CCDC7: variants seen among roughly 807,000 people sequenced by gnomAD.
CCDC7 encodes coiled-coil domain-containing protein 7.
Under a neutral mutation model 196.9 loss-of-function variants are expected in CCDC7, and 183 were observed. The observed-to-expected ratio is 0.93, with a 90% CI of 0.82 to 1.05. The LOEUF (loss-of-function observed/expected upper bound fraction) is 1.05, where lower values mean the gene tolerates loss of function less well. CCDC7 is among the 50% of genes least tolerant of loss of function. The pLI is 0.00. For synonymous variants in CCDC7, 525 were observed against 484.6 expected, an observed-to-expected ratio of 1.08 and a Z score of -1.10; for missense variants, 1,540 against 1,482.2, an observed-to-expected ratio of 1.04 and a Z score of -0.64.
chr10:32,596,777 A>G (rs2060413118), intron 18 of CCDC7, among the ~76,000 whole-genome samples: 1 of 152,034 alleles, frequency 6.6e-6, no homozygotes, highest in Non-Finnish European at 1.5e-5. Flanking sequence ...TTTCTCCATC[A>G]CTTATGAAGC....
At chr10:32,659,652 A>G (rs2070800859) in intron 20 of CCDC7, among the ~76,000 whole-genome samples, 2 of 152,246 alleles carry the variant, frequency 1.3e-5, no homozygotes, top group Admixed American at 1.3e-4. Context: ...AAACAACCCC[A>G]TTAAAAAGTG....
upstream of CCDC7, among the ~76,000 whole-genome samples, chr10:32,447,695 A>C (rs1266285519): frequency 6.6e-6 from 1 of 152,156 alleles, no homozygotes; most frequent in East Asian, 1.9e-4. Flanking sequence ...TGAGGTCAGA[A>C]GTTCGAGACC....
At chr10:32,676,773 G>T (rs9732856) in intron 21 of CCDC7, among the ~76,000 whole-genome samples, 1 of 152,060 alleles carries the variant, frequency 6.6e-6, no homozygotes, top group Admixed American at 6.5e-5. Context: ...CTGTTGGTGG[G>T]ACTGTAAACT....
chr10:32,652,474 G>A (rs2068953866), intron 20 of CCDC7, among the ~76,000 whole-genome samples: 1 of 151,850 alleles, frequency 6.6e-6, no homozygotes, highest in African/African-American at 2.4e-5. Flanking sequence ...CTGTTGTTTT[G>A]TAAATCTTCT....
chr10:32,778,892 C>A, intron 28 of CCDC7, 85 bp from the exon 30 acceptor site: 1 of 928,744 alleles, frequency 1.1e-6, no homozygotes, highest in Non-Finnish European at 1.7e-6. Flanking sequence ...AGATCTTTCA[C>A]CTTCTTGGTT....
intron 18 of CCDC7, among the ~76,000 whole-genome samples, chr10:32,617,610 G>A (rs1261395298): frequency 6.6e-6 from 1 of 151,510 alleles, no homozygotes; most frequent in East Asian, 1.9e-4. Flanking sequence ...AGTTTCTCTT[G>A]GTATTGATTT....
chr10:32,796,632 G>T (rs1418307118), intron 29 of CCDC7, among the ~76,000 whole-genome samples: 3 of 152,102 alleles, frequency 2.0e-5, no homozygotes, highest in Admixed American at 1.3e-4. Context: ...TGCCCAAAAT[G>T]CTTCTTTCAG....
At chr10:32,626,996 C>G (rs1742739291) in intron 18 of CCDC7, among the ~76,000 whole-genome samples, 1 of 148,832 alleles carries the variant, frequency 6.7e-6, no homozygotes, top group Non-Finnish European at 1.5e-5. Context: ...ATGCCTACAG[C>G]ATTGTTCTTT....
chr10:32,877,950 AT>A (rs879619986), downstream of CCDC7, among the ~76,000 whole-genome samples: 718 of 145,718 alleles, frequency 4.9e-3, 1 homozygote, highest in Middle Eastern at 0.022. Context: ...GTTGCAGTTG[AT>A]TTTTTTTTTT....
chr10:32,663,326 G>A (rs1259237493), intron 20 of CCDC7, among the ~76,000 whole-genome samples: 1 of 152,150 alleles, frequency 6.6e-6, no homozygotes, highest in Non-Finnish European at 1.5e-5. Flanking sequence ...TAGACACTCA[G>A]TGCTAGGAAC....
chr10:32,805,753 A>G (rs1425912416), intron 30 of CCDC7, among the ~76,000 whole-genome samples: 1 of 152,190 alleles, frequency 6.6e-6, no homozygotes, highest in Non-Finnish European at 1.5e-5. Context: ...TTACATGCCC[A>G]AAGCTGTTTT....
intron 25 of CCDC7, among the ~76,000 whole-genome samples, chr10:32,718,784 G>T (rs915949156): frequency 2.6e-5 from 4 of 152,014 alleles, no homozygotes; most frequent in African/African-American, 9.7e-5. Flanking sequence ...TTGCTACAAA[G>T]AAAATAAAAT....
chr10:32,465,112 T>TG (rs2036486588), intron 5 of CCDC7, among the ~76,000 whole-genome samples: 3 of 57,624 alleles, frequency 5.2e-5, no homozygotes, highest in South Asian at 1.8e-3. Flanking sequence ...GAAACTAGTT[T>TG]TTTTTTTTTT....
At chr10:32,463,143 T>C (rs2133707792) in intron 5 of CCDC7, 94 bp downstream of exon 6, 3 of 1,468,180 alleles carry the variant, frequency 2.0e-6, no homozygotes, top group Middle Eastern at 4.4e-4. Flanking sequence ...GTATAAGTCA[T>C]TTTTGAATAA....
chr10:32,517,909 C>A, intron 9 of CCDC7, 36 bp from the exon 11 acceptor site: 2 of 1,565,468 alleles, frequency 1.3e-6, no homozygotes, highest in Non-Finnish European at 1.7e-6. Flanking sequence ...TATAAATGTA[C>A]AATTATAAAC....
chr10:32,458,901 A>AGG (rs2034973128), intron 3 of CCDC7, among the ~76,000 whole-genome samples: 1 of 152,186 alleles, frequency 6.6e-6, no homozygotes, highest in South Asian at 2.1e-4. Context: ...TATTAATATT[A>AGG]ATTCTTCTAA....
chr10:32,667,997 A>G (rs973559573), intron 21 of CCDC7, among the ~76,000 whole-genome samples: 3 of 152,034 alleles, frequency 2.0e-5, no homozygotes, highest in Non-Finnish European at 4.4e-5. Flanking sequence ...CTTCCTGCCC[A>G]TGAGTATGGG....
chr10:32,710,021 A>G (rs1338218042), intron 24 of CCDC7, among the ~76,000 whole-genome samples: 1 of 152,176 alleles, frequency 6.6e-6, no homozygotes, highest in African/African-American at 2.4e-5. Context: ...AAGTTGTCAG[A>G]ACCCAAATAG....
At chr10:32,828,345 T>C (rs1035755845) in intron 32 of CCDC7, among the ~76,000 whole-genome samples, 4 of 151,448 alleles carry the variant, frequency 2.6e-5, no homozygotes, top group African/African-American at 9.7e-5. Context: ...CCCTGGGCCA[T>C]GGTCATTCAT....
Sources: allele counts gnomAD v4.1 joint callset (sites outside exome capture counted in the v4.1 genomes callset), GRCh38; gene constraint gnomAD v4.1.1; transcripts MANE v1.5; gene names NCBI Gene and HGNC (gene_info 2026-07-23, HGNC 2026-07-21).